SPAG16: variants seen among roughly 807,000 people sequenced by gnomAD.
SPAG16 encodes sperm associated antigen 16, also known as sperm-associated antigen 16 protein.
A neutral mutation model predicts 80.4 loss-of-function variants in SPAG16; 86 were observed. The observed-to-expected ratio is 1.07, with a 90% confidence interval of 0.90 to 1.28. The LOEUF is 1.28. Among genes scored for constraint, SPAG16 ranks in the 50% most tolerant of loss-of-function variants. SPAG16 has a pLI of 0.00. For synonymous variants in SPAG16, 294 were observed against 265.9 expected (o/e 1.11, Z -1.03); for missense variants, 870 against 765.3 (o/e 1.14, Z -1.61).
intron 10 of SPAG16, among the ~76,000 whole-genome samples, chr2:213,794,110 A>G (rs766430407): frequency 2.0e-5 from 3 of 152,150 alleles, no homozygotes; most frequent in Non-Finnish European, 4.4e-5. Context: ...TAAGTCCAGG[A>G]TGTATTAAAT....
At chr2:213,858,334 C>T (rs2105932211) in intron 10 of SPAG16, among the ~76,000 whole-genome samples, 1 of 152,254 alleles carries the variant, frequency 6.6e-6, no homozygotes, top group South Asian at 2.1e-4. Context: ...ACCATCTAGC[C>T]TTCAGGAACC....
intron 10 of SPAG16, among the ~76,000 whole-genome samples, chr2:213,799,019 TTTG>T (rs916155869): frequency 7.2e-5 from 11 of 152,202 alleles, no homozygotes; most frequent in Admixed American, 7.2e-4. Flanking sequence ...TTCCTCCAAA[TTTG>T]TTATTTTTTA....
chr2:214,407,204 T>G (rs1450476990), intron 15 of SPAG16, among the ~76,000 whole-genome samples: 1 of 152,116 alleles, frequency 6.6e-6, no homozygotes, highest in Non-Finnish European at 1.5e-5. Context: ...CAAATTTATT[T>G]CATGTGATTT....
At chr2:214,099,878 T>A (rs1167570092) in intron 13 of SPAG16, among the ~76,000 whole-genome samples, 1 of 152,116 alleles carries the variant, frequency 6.6e-6, no homozygotes, top group Non-Finnish European at 1.5e-5. Flanking sequence ...ATTACACAGA[T>A]ATATACACAG....
chr2:213,823,259 T>G (rs2073063986), intron 10 of SPAG16, among the ~76,000 whole-genome samples: 1 of 152,218 alleles, frequency 6.6e-6, no homozygotes, highest in African/African-American at 2.4e-5. Flanking sequence ...TGTTAATAAT[T>G]GCCATTCTGA....
intron 9 of SPAG16, among the ~76,000 whole-genome samples, chr2:213,426,836 T>TACACACACACACACAC (rs199604984): frequency 1.4e-4 from 17 of 125,882 alleles, no homozygotes; most frequent in South Asian, 5.9e-4. Flanking sequence ...TTCTGATACA[T>TACACACACACACACAC]ACACACACAC....
intron 9 of SPAG16, among the ~76,000 whole-genome samples, chr2:213,388,154 C>G (rs952844711): frequency 2.6e-5 from 4 of 152,198 alleles, no homozygotes; most frequent in Non-Finnish European, 5.9e-5. Context: ...CAGCTGCACA[C>G]AAATTCCAGG....
At chr2:213,565,476 C>G (rs1329485327) in intron 10 of SPAG16, among the ~76,000 whole-genome samples, 1 of 152,234 alleles carries the variant, frequency 6.6e-6, no homozygotes, top group Non-Finnish European at 1.5e-5. Context: ...GAGAGCTACT[C>G]AAGTGAGATT....
chr2:213,785,146 A>G (rs1320072231), intron 10 of SPAG16, among the ~76,000 whole-genome samples: 1 of 152,174 alleles, frequency 6.6e-6, no homozygotes, highest in African/African-American at 2.4e-5. Context: ...TACTGCTCTC[A>G]GGTAACCATC....
intron 10 of SPAG16, among the ~76,000 whole-genome samples, chr2:213,755,299 G>C (rs1384846333): frequency 1.3e-5 from 2 of 152,052 alleles, no homozygotes; most frequent in South Asian, 4.1e-4. Context: ...GTTTGTCTCT[G>C]GTTATTCAAG....
At chr2:214,162,492 A>G (rs1420820859) in intron 15 of SPAG16, among the ~76,000 whole-genome samples, 2 of 152,162 alleles carry the variant, frequency 1.3e-5, no homozygotes. Context: ...ACTGGGAACA[A>G]TAATGACTAT....
At chr2:214,138,418 A>G (rs897066940) in intron 14 of SPAG16, among the ~76,000 whole-genome samples, 4 of 152,118 alleles carry the variant, frequency 2.6e-5, no homozygotes, top group African/African-American at 9.7e-5. Context: ...ACCCCTTGCA[A>G]AAGAATATTT....
rs1416165682 is a variant in SPAG16 at position 213,501,319 on chromosome 2, A to G, written c.1070+11229A>G. Among the ~76,000 whole-genome samples, 4 of 152,220 alleles carry G rather than the reference A, an allele frequency of 2.6e-5. No individual in the cohort carries two copies. In the East Asian group the frequency reaches 7.7e-4, roughly 29 times the overall value. ...TCATTTTCCTTGCTTTAGTAATAAT[A>G]TTGAACATTTATTAAGCTGATAATA... On this transcript the variant is annotated intron_variant, in intron 10 of 15. Coordinates refer to ENST00000331683, the MANE Select transcript of SPAG16 (RefSeq NM_024532.5).
At chr2:213,620,076 A>G (rs1035454080) in intron 10 of SPAG16, among the ~76,000 whole-genome samples, 3 of 152,028 alleles carry the variant, frequency 2.0e-5, no homozygotes, top group African/African-American at 7.2e-5. Flanking sequence ...AAAATACCAC[A>G]TGTTCTCACT....
intron 10 of SPAG16, among the ~76,000 whole-genome samples, chr2:213,501,788 T>C (rs1481511442): frequency 2.0e-5 from 3 of 152,228 alleles, no homozygotes; most frequent in East Asian, 1.9e-4. Context: ...AAAATAGATA[T>C]TGGACTTACT....
At chr2:213,777,862 A>G (rs570929140) in intron 10 of SPAG16, among the ~76,000 whole-genome samples, 19 of 152,160 alleles carry the variant, frequency 1.2e-4, no homozygotes, top group Non-Finnish European at 2.8e-4. Context: ...ATTGCACTCC[A>G]GTTGTGCCTA....
chr2:213,885,332 A>G (rs1212712420), intron 11 of SPAG16, among the ~76,000 whole-genome samples: 1 of 152,040 alleles, frequency 6.6e-6, no homozygotes. Context: ...GCTCCTTTAT[A>G]TTTCCTAGTA....
chr2:213,291,046 G>A (rs988913040), intron 1 of SPAG16, among the ~76,000 whole-genome samples: 2 of 152,124 alleles, frequency 1.3e-5, no homozygotes, highest in Admixed American at 1.3e-4. Flanking sequence ...TTTTCATTGG[G>A]TCGATACAGA....
At chr2:213,885,004 T>A (rs911837121) in intron 11 of SPAG16, among the ~76,000 whole-genome samples, 27 of 152,194 alleles carry the variant, frequency 1.8e-4, no homozygotes, top group African/African-American at 2.4e-5. Flanking sequence ...TCCAACTGGT[T>A]AAGAATCATT....
Sources: allele counts gnomAD v4.1 joint callset (sites outside exome capture counted in the v4.1 genomes callset), GRCh38; gene constraint gnomAD v4.1.1; transcripts MANE v1.5; gene names NCBI Gene and HGNC (gene_info 2026-07-23, HGNC 2026-07-21).